The following GPC5 variants were observed in gnomAD, a reference collection of about 807,000 sequenced individuals.
GPC5 encodes glypican 5.
Under a neutral mutation model 53.9 loss-of-function variants are expected in GPC5, and 47 were observed. That is an observed-to-expected ratio of 0.87 (90% confidence interval 0.69 to 1.11). GPC5 has a LOEUF of 1.11. GPC5 is among the 50% of genes most tolerant of loss of function. The pLI, the probability that GPC5 is intolerant of heterozygous loss-of-function variation, is 0.00. For synonymous variants in GPC5, 286 were observed against 263.3 expected (o/e 1.09, Z -0.84); for missense variants, 748 against 713.1 (o/e 1.05, Z -0.56).
Position 92,371,918 on chromosome 13 carries a change from C to T in GPC5, c.1561+226929C>T, listed in dbSNP as rs562089426. ...AAAGAATAAGAGAGACTCAATCTTC[C>T]ATTGCTGGCTTTGAAGATAAAGGAA... On this transcript the variant is annotated intron_variant, in intron 7 of 7. Transcript: ENST00000377067. 2.0e-4 allele frequency among the ~76,000 whole-genome samples: 30 copies of T among 152,258 alleles called. No homozygotes were observed. In the South Asian group the frequency reaches 6.0e-3, roughly 31 times the overall value.
intron 6 of GPC5, among the ~76,000 whole-genome samples, chr13:92,016,122 G>T (rs1594725212): frequency 6.6e-6 from 1 of 152,312 alleles, no homozygotes; most frequent in Non-Finnish European, 1.5e-5. Flanking sequence ...CAAGAAAGTG[G>T]TTACTGGGAG....
chr13:92,521,748 A>C (rs1051163590), intron 7 of GPC5, among the ~76,000 whole-genome samples: 8 of 152,204 alleles, frequency 5.3e-5, no homozygotes, highest in African/African-American at 1.9e-4. Flanking sequence ...CACCAAAAGC[A>C]ATGGCAACAG....
intron 7 of GPC5, among the ~76,000 whole-genome samples, chr13:92,203,648 A>C (rs1195110694): frequency 8.7e-6 from 1 of 115,378 alleles, no homozygotes; most frequent in Non-Finnish European, 2.1e-5. Context: ...AAAAAAATAT[A>C]TATATATAAA....
At chr13:91,803,598 G>A (rs1439227822) in intron 5 of GPC5, among the ~76,000 whole-genome samples, 1 of 152,094 alleles carries the variant, frequency 6.6e-6, no homozygotes, top group African/African-American at 2.4e-5. Flanking sequence ...TGTTTAAAAG[G>A]TGTGCGTGTT....
intron 7 of GPC5, among the ~76,000 whole-genome samples, chr13:92,366,766 C>T (rs906011754): frequency 7.9e-5 from 12 of 152,174 alleles, no homozygotes; most frequent in African/African-American, 2.9e-4. Context: ...AAAAATGTCA[C>T]TTCAACATCA....
chr13:92,730,773 CT>C (rs1297165469), intron 7 of GPC5, among the ~76,000 whole-genome samples: 1 of 151,342 alleles, frequency 6.6e-6, no homozygotes, highest in Non-Finnish European at 1.5e-5. Flanking sequence ...GGCTGCAAAA[CT>C]GGCAAATGCA....
At chr13:92,221,278 G>A (rs1415276960) in intron 7 of GPC5, among the ~76,000 whole-genome samples, 1 of 152,136 alleles carries the variant, frequency 6.6e-6, no homozygotes, top group African/African-American at 2.4e-5. Context: ...ATCAGACTGA[G>A]CGTTTTCTGA....
chr13:92,132,458 C>G (rs2041752116), intron 6 of GPC5, among the ~76,000 whole-genome samples: 1 of 152,028 alleles, frequency 6.6e-6, no homozygotes. Flanking sequence ...TAGTTTCCTC[C>G]AGAAGGATAT....
At chr13:92,243,830 A>T (rs1208834333) in intron 7 of GPC5, among the ~76,000 whole-genome samples, 1 of 152,018 alleles carries the variant, frequency 6.6e-6, no homozygotes, top group Non-Finnish European at 1.5e-5. Flanking sequence ...ATGTAAGGAA[A>T]GAGTACAGCT....
chr13:92,583,711 G>A (rs550661407), intron 7 of GPC5, among the ~76,000 whole-genome samples: 99 of 152,312 alleles, frequency 6.5e-4, no homozygotes, highest in Admixed American at 1.3e-3. Context: ...TTCTGGAATA[G>A]TTTCCTCTTA....
chr13:92,595,302 G>A (rs979760198), intron 7 of GPC5, among the ~76,000 whole-genome samples: 7 of 152,152 alleles, frequency 4.6e-5, no homozygotes, highest in Admixed American at 3.3e-4. Flanking sequence ...AATAAAATCA[G>A]CCAGTATTCT....
chr13:92,626,787 C>T (rs1342647241), intron 7 of GPC5, among the ~76,000 whole-genome samples: 2 of 152,084 alleles, frequency 1.3e-5, no homozygotes, highest in Non-Finnish European at 2.9e-5. Flanking sequence ...TAATATTTGA[C>T]AATTATTTCA....
chr13:92,042,523 G>A (rs1353151399), intron 6 of GPC5, among the ~76,000 whole-genome samples: 1 of 152,124 alleles, frequency 6.6e-6, no homozygotes, highest in African/African-American at 2.4e-5. Flanking sequence ...GCAGCAACAT[G>A]TTTGAGAAGC....
intron 2 of GPC5, among the ~76,000 whole-genome samples, chr13:91,498,239 A>ATTTTT (rs60732957): frequency 4.5e-5 from 5 of 110,244 alleles, no homozygotes; most frequent in Non-Finnish European, 9.1e-5. Context: ...CTACCCAAAG[A>ATTTTT]TTTTTTTTTT....
At chr13:92,235,557 G>A (rs1384245602) in intron 7 of GPC5, among the ~76,000 whole-genome samples, 3 of 151,962 alleles carry the variant, frequency 2.0e-5, no homozygotes, top group African/African-American at 7.2e-5. Context: ...AAGTAGGATG[G>A]TGTTCGATTT....
intron 7 of GPC5, among the ~76,000 whole-genome samples, chr13:92,189,935 T>A (rs9560966): frequency 0.21 from 32,109 of 151,984 alleles, 4,401 homozygotes; most frequent in East Asian, 0.69. Flanking sequence ...AGAAGTAACA[T>A]TGGGAGAAAT....
intron 6 of GPC5, among the ~76,000 whole-genome samples, chr13:92,083,296 T>C (rs1490991320): frequency 6.6e-6 from 1 of 152,076 alleles, no homozygotes; most frequent in Non-Finnish European, 1.5e-5. Context: ...CTTTCATATC[T>C]CCACATCAGT....
intron 7 of GPC5, among the ~76,000 whole-genome samples, chr13:92,517,728 G>GA (rs1392998382): frequency 6.6e-6 from 1 of 151,996 alleles, no homozygotes; most frequent in Non-Finnish European, 1.5e-5. Flanking sequence ...CAAAGATGGG[G>GA]AAAAAACAAA....
chr13:92,657,765 G>A (rs1886189870), intron 7 of GPC5, among the ~76,000 whole-genome samples: 1 of 151,842 alleles, frequency 6.6e-6, no homozygotes, highest in Admixed American at 6.6e-5. Context: ...GCAGAAAACA[G>A]GAAATGGATT....
Sources: allele counts gnomAD v4.1 joint callset (sites outside exome capture counted in the v4.1 genomes callset), GRCh38; gene constraint gnomAD v4.1.1; transcripts MANE v1.5; gene names NCBI Gene and HGNC (gene_info 2026-07-23, HGNC 2026-07-21).